SRRM1: variants seen among roughly 807,000 people sequenced by gnomAD.
The protein encoded by SRRM1 is serine and arginine repetitive matrix 1.
In SRRM1, 19 loss-of-function variants were observed where a neutral mutation model predicts 110.2. The ratio of observed to expected loss-of-function variants is 0.17; its 90% CI spans 0.12 to 0.25. SRRM1 has a LOEUF of 0.25. Among genes scored for constraint, SRRM1 ranks in the 10% least tolerant of loss-of-function variants. The pLI, the probability that SRRM1 is intolerant of heterozygous loss-of-function variation, is 1.00. For missense variants in SRRM1, 918 were observed against 1,145.8 expected (o/e 0.80, Z 2.87); for synonymous variants, 443 against 414.9 (o/e 1.07, Z -0.82).
Position 24,652,474 on chromosome 1 carries a change from C to T in SRRM1, c.766C>T (p.Pro256Ser). 6.2e-7 allele frequency: 1 copy of T among 1,607,536 alleles called. No individual in the cohort carries two copies. The highest frequency in any genetic ancestry group is 8.5e-7 in the Non-Finnish European group (1 of 1,177,774). ...TCCCAAACCTGAACCTATACCAGAG[C>T]CTAAAGAACCTTCTCCGGAAAAAAA... is the stretch of plus-strand genomic sequence containing the variant. ...KVPKPEPIPE[P>S]KEPSPEKNSK... The change falls in exon 7 of 17, where the codon CCT (proline) becomes TCT (serine). Residue 256 changes from proline (P) to serine (S), a missense_variant. Pro to Ser is a moderately conservative substitution (Grantham distance 74). Around this residue, in one of 5 missense-constraint regions of SRRM1, gnomAD observed 456 missense variants for 453.5 expected, o/e 1.01. Coordinates refer to ENST00000323848, the MANE Select transcript of SRRM1 (RefSeq NM_005839.4).
rs751422450 is a variant in SRRM1, at chr1:24,651,635, A to G, written c.725+23A>G. ...TAGGCAAGTATATAAAAATTCATTTATAAATAATCACAATTTTAGATTAAT... is the reference window on the plus strand; with the variant it reads ...TAGGCAAGTATATAAAAATTCATTTGTAAATAATCACAATTTTAGATTAAT... On this transcript the variant is annotated intron_variant, in intron 6 of 16. Coordinates refer to ENST00000323848, the MANE Select transcript of SRRM1 (RefSeq NM_005839.4). 3.2e-6 allele frequency: 5 copies of G among 1,542,020 alleles called. No homozygotes were observed. In the South Asian group the frequency reaches 4.7e-5, roughly 14 times the overall value.
intron 11 of SRRM1, among the ~76,000 whole-genome samples, chr1:24,661,610 A>G (rs1667252984): frequency 6.6e-6 from 1 of 152,204 alleles, no homozygotes; most frequent in African/African-American, 2.4e-5. Context: ...CTAGGATACA[A>G]TAGTGAAACA....
At chr1:24,661,236 AT>A in intron 10 of SRRM1, 73 bp from the exon 11 acceptor site, 1 of 1,044,028 alleles carries the variant, frequency 9.6e-7, no homozygotes, top group Non-Finnish European at 1.5e-6. Flanking sequence ...TTGAGAGACT[AT>A]TTTCCTATTC....
chr1:24,663,725 A>T (rs1474019832), intron 12 of SRRM1, among the ~76,000 whole-genome samples: 1 of 151,846 alleles, frequency 6.6e-6, no homozygotes, highest in African/African-American at 2.4e-5. Flanking sequence ...AAAAATACAA[A>T]AATTAGCTGG....
At position 24,648,948 on chromosome 1, in the gene SRRM1, G is replaced by A; in HGVS notation, c.324G>A (p.Leu108=). Residue 108 remains leucine (L), a synonymous_variant, in exon 4 of 17, where the codon CTG becomes CTA. Transcript: ENST00000323848. ...AATTTATGGGAGAACTGTGGCCCCT[G>A]CTGCTAAGTGCACAAGAAAACATCG... The part of the protein sequence containing the change: ...AREFMGELWP[L]LLSAQENIAG... 3 of 1,613,838 alleles carry A rather than the reference G, an allele frequency of 1.9e-6. No individual in the cohort carries two copies. Among genetic ancestry groups the A allele is most frequent in the Non-Finnish European group, 2.5e-6 (3 of 1,179,864 alleles).
chr1:24,651,821 T>G (rs1311379489), intron 6 of SRRM1, among the ~76,000 whole-genome samples: 1 of 151,524 alleles, frequency 6.6e-6, no homozygotes, highest in Non-Finnish European at 1.5e-5. Context: ...GGTTGTATTG[T>G]TTCAGGTATT....
At position 24,654,917 on chromosome 1, in the gene SRRM1, G is replaced by T. The variant is rs774998845; in HGVS notation, c.1103G>T (p.Arg368Leu). The T allele has an allele frequency of 4.3e-6, 7 of 1,614,052 alleles. No individual in the cohort carries two copies. The highest frequency in any genetic ancestry group is 1.3e-5 in the African/African-American group (1 of 74,964). ...TCATCATCCTCTTCATCTCGTTCACGGTCACCACCAAAGAAGCCTCCCAAG... is the reference window on the plus strand; with the variant it reads ...TCATCATCCTCTTCATCTCGTTCACTGTCACCACCAAAGAAGCCTCCCAAG... ...SSSSSSSSRS[R>L]SPPKKPPKRT... Residue 368 changes from arginine to leucine, a missense_variant, in exon 9 of 17, where the codon CGG (arginine) becomes CTG (leucine). Transcript: ENST00000323848.
intron 13 of SRRM1, among the ~76,000 whole-genome samples, 155 bp from the exon 14 acceptor site, chr1:24,668,968 A>G (rs913225672): frequency 5.3e-5 from 8 of 152,104 alleles, no homozygotes; most frequent in African/African-American, 1.4e-4. Flanking sequence ...AGTTTTATTG[A>G]TATTTAAGTG....
At chr1:24,647,400 G>A (rs1300844527) in intron 3 of SRRM1, 2 of 152,484 alleles carry the variant, frequency 1.3e-5, no homozygotes, top group Non-Finnish European at 2.9e-5. Context: ...GTAGCTGCAT[G>A]TCAGCTAGTC....
At chr1:24,646,445 CGA>C (rs1657654381) in intron 2 of SRRM1, among the ~76,000 whole-genome samples, 1 of 150,752 alleles carries the variant, frequency 6.6e-6, no homozygotes, top group Non-Finnish European at 1.5e-5. Flanking sequence ...GAGAATGGCA[CGA>C]ACCTGGGAGG....
intron 12 of SRRM1, 82 bp downstream of exon 12, chr1:24,662,886 GGT>G: frequency 6.5e-7 from 1 of 1,544,462 alleles, no homozygotes; most frequent in Non-Finnish European, 8.8e-7. Context: ...TTGAGAATTT[GGT>G]TAACTCCTTC....
chr1:24,670,329 T>A lies in SRRM1; in HGVS notation c.2400+14T>A. ...TCACCGCCAAGAGTATGTGTCTGCC[T>A]TATTTTGGACACCCTTTTATAAATA... On this transcript the variant is annotated intron_variant, in intron 15 of 16. Transcript: ENST00000323848. The A allele has an allele frequency of 6.3e-7, 1 of 1,588,638 alleles. No individual in the cohort carries two copies. The highest frequency in any genetic ancestry group is 8.6e-7 in the Non-Finnish European group (1 of 1,168,264).
Position 24,669,130 on chromosome 1 carries a change from TCTC to T in SRRM1, c.1752_1754del (p.Pro586del), listed in dbSNP as rs1485343689. 8 of 1,606,338 alleles carry T rather than the reference TCTC, an allele frequency of 5.0e-6. No homozygotes were observed. Among genetic ancestry groups the T allele is most frequent in the African/African-American group, 2.7e-5 (2 of 74,606 alleles). ...TATGTATCTTTTTCCTAGGACTCCT[TCTC>T]CTCCCCCACGTCGGCGCTCACCTTC... On this transcript the variant is annotated inframe_deletion, in exon 14 of 17. Transcript: ENST00000323848.
intron 15 of SRRM1, among the ~76,000 whole-genome samples, chr1:24,671,131 G>GA (rs770655973): frequency 6.6e-6 from 1 of 152,170 alleles, no homozygotes; most frequent in African/African-American, 2.4e-5. Flanking sequence ...AAAGGTCTCA[G>GA]AAAGAGTTCA....
At position 24,669,379 on chromosome 1, in the gene SRRM1, C is replaced by T. The variant is rs747516435; in HGVS notation, c.1996C>T (p.Pro666Ser). 22 of 1,614,026 alleles carry T rather than the reference C, an allele frequency of 1.4e-5. No individual in the cohort carries two copies. The highest frequency in any genetic ancestry group is 5.0e-5 in the Admixed American group (3 of 60,008). ...ATCCAAGCATAGGAAAGGGTCTTCC[C>T]CAAGCCGCTCTACCCGGGAGGCCCG... Reference protein sequence around the residue: ...LSSKHRKGSSPSRSTREARSP... With the variant: ...LSSKHRKGSSSSRSTREARSP... The change falls in exon 14 of 17, where the codon CCA becomes TCA. Residue 666 changes from proline to serine, a missense_variant. Transcript: ENST00000323848.
chr1:24,661,339 G>C lies in SRRM1; in HGVS notation c.1426G>C (p.Ala476Pro). ...EEDKGGKMAA[A>P]DSVQQRRQYR... ...AGATAAAGGTGGCAAAATGGCTGCA[G>C]CAGATTCTGTGCAGCAGAGACGCCA... Residue 476 changes from alanine (A) to proline (P), a missense_variant, in exon 11 of 17, where the codon GCA becomes CCA. Ala to Pro is a conservative substitution (Grantham distance 27). This residue lies in a region of SRRM1 where 456 missense variants were observed against 453.5 expected (regional missense o/e 1.01). Transcript: ENST00000323848. 6.2e-7 allele frequency: 1 copy of C among 1,613,340 alleles called. No individual in the cohort carries two copies. The highest frequency in any genetic ancestry group is 8.5e-7 in the Non-Finnish European group (1 of 1,179,492).
At chr1:24,646,896 A>G in intron 3 of SRRM1, 107 bp downstream of exon 3, 1 of 909,994 alleles carries the variant, frequency 1.1e-6, no homozygotes, top group Non-Finnish European at 1.6e-6. Flanking sequence ...GTTATTTTAC[A>G]ATGTTTGTTG....
intron 3 of SRRM1, chr1:24,648,008 G>A (rs1270499430): frequency 3.9e-5 from 6 of 152,062 alleles, no homozygotes; most frequent in African/African-American, 9.7e-5. Context: ...TTGCTTGTTC[G>A]TCTTTTGCAA....
intron 9 of SRRM1, among the ~76,000 whole-genome samples, chr1:24,659,777 G>T (rs1454080605): frequency 2.6e-5 from 4 of 152,136 alleles, no homozygotes; most frequent in Non-Finnish European, 5.9e-5. Flanking sequence ...AATACAGCAG[G>T]CTTACAAAAG....
Sources: allele counts gnomAD v4.1 joint callset (sites outside exome capture counted in the v4.1 genomes callset), GRCh38; gene constraint gnomAD v4.1.1; regional missense constraint gnomAD v4.1.1; transcripts MANE v1.5; gene names NCBI Gene and HGNC (gene_info 2026-07-23, HGNC 2026-07-21).